The following LAMA4 variants were observed in gnomAD, a reference collection of about 807,000 sequenced individuals.
The protein encoded by LAMA4 is laminin subunit alpha 4.
LAMA4 carries 127 observed loss-of-function variants against 207.1 expected under a neutral mutation model. The observed-to-expected ratio is 0.61, with a 90% CI of 0.53 to 0.71. The LOEUF (loss-of-function observed/expected upper bound fraction) is 0.71, where lower values mean the gene tolerates loss of function less well. Among genes scored for constraint, LAMA4 ranks in the 30% least tolerant of loss-of-function variants. The probability of loss-of-function intolerance (pLI) is 0.00; values close to 1 mark genes in which losing one functional copy is unlikely to be tolerated. For missense variants in LAMA4, 2,093 were observed against 2,246.5 expected, an observed-to-expected ratio of 0.93 and a Z score of 1.38; for synonymous variants, 761 against 816.0, an observed-to-expected ratio of 0.93 and a Z score of 1.15.
At chr6:112,180,650 G>C (rs1782301917) in intron 9 of LAMA4, among the ~76,000 whole-genome samples, 1 of 152,172 alleles carries the variant, frequency 6.6e-6, no homozygotes, top group Non-Finnish European at 1.5e-5. Context: ...GGATGTCTTG[G>C]TAATATAGTA....
Position 112,253,867 on chromosome 6 carries a change from A to G in LAMA4, c.195+89T>C, listed in dbSNP as rs782500548. ...ACTCTCAAGGCACTGGGGAGAGGAA[A>G]GAGGCGGAGAGAGAGAGAAGGACGA... On this transcript the variant is annotated intron_variant, in intron 2 of 38. Transcript: ENST00000230538. 7.4e-6 allele frequency: 12 copies of G among 1,614,106 alleles called. No homozygotes were observed. In the Admixed American group the frequency reaches 2.0e-4, roughly 27 times the overall value.
In LAMA4 at chr6:112,109,464, T is replaced by TA. The variant is rs782327744; in HGVS notation, c.5444dup (p.Ser1816LysfsTer11). 4.1e-5 allele frequency: 66 copies of TA among 1,613,918 alleles called. No homozygotes were observed. Among genetic ancestry groups the TA allele is most frequent in the Admixed American group, 2.2e-4 (13 of 59,972 alleles). On this transcript the variant is annotated frameshift_variant, in exon 39 of 39. Coordinates refer to ENST00000230538, the MANE Select transcript of LAMA4 (RefSeq NM_001105206.3). LOFTEE classifies it high-confidence loss of function. ...AGGCTGCTGGACAGGAGTTGATGCTTACGGCGCCGCTGACCAGGGCTGCTT... is the reference window on the plus strand; with the variant it reads ...AGGCTGCTGGACAGGAGTTGATGCTTAACGGCGCCGCTGACCAGGGCTGCTT...
At chr6:112,215,210 T>G (rs1784562245) in intron 3 of LAMA4, among the ~76,000 whole-genome samples, 1 of 152,172 alleles carries the variant, frequency 6.6e-6, no homozygotes, top group Non-Finnish European at 1.5e-5. Context: ...GACATCCTGG[T>G]TGTAATGCTT....
chr6:112,198,834 C>T (rs1403011875), intron 5 of LAMA4, among the ~76,000 whole-genome samples: 1 of 152,146 alleles, frequency 6.6e-6, no homozygotes, highest in Non-Finnish European at 1.5e-5. Context: ...TGAGCATTTA[C>T]TCAGTGCCAG....
intron 9 of LAMA4, among the ~76,000 whole-genome samples, chr6:112,180,709 A>G (rs994818959): frequency 6.6e-6 from 1 of 152,132 alleles, no homozygotes; most frequent in Non-Finnish European, 1.5e-5. Flanking sequence ...TAGGGTGATC[A>G]TATATTTTAT....
chr6:112,178,170 G>A lies in LAMA4; in HGVS notation c.1140C>T (p.His380=), dbSNP rs782378476. ...VQKESMDTIN[H]ASQLVEQAHD... is the part of the protein sequence containing the mutation. The stretch of plus-strand genomic sequence containing the variant: ...GGGCTTGCTCTACCAGCTGACTTGC[G>A]TGGTTAATGGTGTCCATGCTTTCCT... Residue 380 remains histidine, a synonymous_variant, in exon 10 of 39, where the codon CAC becomes CAT. Coordinates refer to ENST00000230538, the MANE Select transcript of LAMA4 (RefSeq NM_001105206.3). The A allele has an allele frequency of 4.3e-5, 69 of 1,613,796 alleles. No homozygotes were observed. The highest frequency in any genetic ancestry group is 3.3e-4 in the Middle Eastern group (2 of 6,084).
chr6:112,158,938 C>T (rs1490354121), intron 13 of LAMA4, 58 bp from the exon 14 acceptor site: 5 of 1,197,114 alleles, frequency 4.2e-6, no homozygotes, highest in East Asian at 2.5e-5. Flanking sequence ...AACATTTTTC[C>T]TAGGCACCAA....
intron 23 of LAMA4, among the ~76,000 whole-genome samples, 170 bp from the exon 24 acceptor site, chr6:112,139,461 G>C (rs79082419): frequency 1.7e-3 from 260 of 152,304 alleles, no homozygotes; most frequent in African/African-American, 6.1e-3. Flanking sequence ...TATGTTAAAT[G>C]GATTGTTTTC....
At position 112,178,168 on chromosome 6, in the gene LAMA4, G is replaced by A. The variant is rs1782131986; in HGVS notation, c.1142C>T (p.Ala381Val). ...ATGGGCTTGCTCTACCAGCTGACTT[G>A]CGTGGTTAATGGTGTCCATGCTTTC... ...QKESMDTINHASQLVEQAHDM... is the reference protein window; with the variant it reads ...QKESMDTINHVSQLVEQAHDM... Residue 381 changes from alanine to valine, a missense_variant, in exon 10 of 39, where the codon GCA becomes GTA. Ala to Val is a moderately conservative substitution (Grantham distance 64). Around this residue, in one of 3 missense-constraint regions of LAMA4, gnomAD observed 1,704 missense variants for 1,788.4 expected, o/e 0.95. Coordinates refer to ENST00000230538, the MANE Select transcript of LAMA4 (RefSeq NM_001105206.3). The A allele has an allele frequency of 6.2e-7, 1 of 1,613,774 alleles. No individual in the cohort carries two copies. Among genetic ancestry groups the A allele is most frequent in the Non-Finnish European group, 8.5e-7 (1 of 1,179,806 alleles).
chr6:112,165,255 C>G lies in LAMA4; in HGVS notation c.1573G>C (p.Glu525Gln), dbSNP rs782045945. Residue 525 changes from glutamate to glutamine, a missense_variant, in exon 13 of 39, where the codon GAA becomes CAA. Glu to Gln is a conservative substitution (Grantham distance 29). Coordinates refer to ENST00000230538, the MANE Select transcript of LAMA4 (RefSeq NM_001105206.3). ...GACATGTTCACCACTTCCATTTGTT[C>G]CCTCACTCTTTCCTGTTGTTTCTGC... ...DHEKQQERVR[E>Q]QMEVVNMSLS... The G allele has an allele frequency of 1.2e-6, 2 of 1,612,374 alleles. No individual in the cohort carries two copies. The highest frequency in any genetic ancestry group is 1.1e-5 in the South Asian group (1 of 91,046).
intron 2 of LAMA4, chr6:112,236,335 T>A (rs939753359): frequency 2.0e-5 from 3 of 152,360 alleles, no homozygotes; most frequent in East Asian, 1.9e-4. Flanking sequence ...ATTTAACATT[T>A]CCATGCTTTC....
At chr6:112,216,547 A>C (rs782359227) in intron 2 of LAMA4, 78 bp from the exon 3 acceptor site, 3 of 921,964 alleles carry the variant, frequency 3.3e-6, no homozygotes, top group Non-Finnish European at 5.4e-6. Flanking sequence ...GAAATCAGAG[A>C]AAGTGATTAT....
intron 13 of LAMA4, among the ~76,000 whole-genome samples, chr6:112,164,380 G>C (rs1781264732): frequency 6.6e-6 from 1 of 152,110 alleles, no homozygotes; most frequent in South Asian, 2.1e-4. Flanking sequence ...TGAAACTAGG[G>C]TTTGGGAGGA....
chr6:112,167,809 G>A (rs1027847746), intron 12 of LAMA4, among the ~76,000 whole-genome samples: 9 of 146,530 alleles, frequency 6.1e-5, no homozygotes, highest in South Asian at 2.2e-4. Flanking sequence ...GGATGCTCAC[G>A]GTCTAGTGGG....
intron 3 of LAMA4, among the ~76,000 whole-genome samples, chr6:112,215,593 A>G (rs886936116): frequency 3.3e-5 from 5 of 152,234 alleles, no homozygotes; most frequent in Admixed American, 6.5e-5. Context: ...GAAGGAAAAC[A>G]TGCTATTTGA....
intron 5 of LAMA4, among the ~76,000 whole-genome samples, chr6:112,201,016 G>T (rs1414352132): frequency 1.4e-5 from 2 of 146,298 alleles, no homozygotes; most frequent in African/African-American, 5.1e-5. Flanking sequence ...ATGTATCCCA[G>T]AACTTAAAAT....
intron 10 of LAMA4, among the ~76,000 whole-genome samples, chr6:112,176,908 A>G (rs1207546914): frequency 6.6e-6 from 1 of 152,226 alleles, no homozygotes; most frequent in Non-Finnish European, 1.5e-5. Context: ...AGGATCAAAT[A>G]AGAGGGTTCA....
intron 9 of LAMA4, among the ~76,000 whole-genome samples, chr6:112,183,853 A>G (rs1322940372): frequency 6.7e-6 from 1 of 148,614 alleles, no homozygotes; most frequent in Non-Finnish European, 1.5e-5. Context: ...CAGGAGGCTG[A>G]GGCAGGAGAA....
At chr6:112,142,063 G>A in intron 20 of LAMA4, 56 bp downstream of exon 20, 2 of 1,596,340 alleles carry the variant, frequency 1.3e-6, no homozygotes, top group African/African-American at 1.3e-5. Flanking sequence ...TTAGGCAAGA[G>A]AAAAAGCAGC....
Sources: gnomAD v4.1 joint callset for allele counts (sites outside exome capture counted in the v4.1 genomes callset) on GRCh38, gnomAD v4.1.1 for gene constraint, gnomAD v4.1.1 regional missense constraint, MANE v1.5 for transcripts, NCBI Gene and HGNC (gene_info 2026-07-23, HGNC 2026-07-21) for gene names.